The following ERC1 variants were observed in gnomAD, a reference collection of about 807,000 sequenced individuals.
The protein encoded by ERC1 is RAB6 interacting protein 2.
ERC1 carries 56 observed loss-of-function variants against 132.0 expected under a neutral mutation model. The observed-to-expected ratio is 0.42, with a 90% CI of 0.34 to 0.53. The LOEUF is 0.53. ERC1 is among the 20% of genes least tolerant of loss of function. ERC1 has a pLI of 0.03. For synonymous variants in ERC1, 478 were observed against 476.1 expected, an observed-to-expected ratio of 1.00 and a Z score of -0.05; for missense variants, 1,202 against 1,349.9, an observed-to-expected ratio of 0.89 and a Z score of 1.72.
In ERC1 at chr12:1,303,136, T is replaced by C. The variant is rs114117998; in HGVS notation, c.2780+13124T>C. Among the ~76,000 whole-genome samples the C allele has an allele frequency of 6.1e-3, 928 of 152,298 alleles. 15 individuals carry two copies. Among genetic ancestry groups the C allele is most frequent in the African/African-American group, 0.021 (883 of 41,568 alleles). On this transcript the variant is annotated intron_variant, in intron 15 of 18. Coordinates refer to ENST00000360905, the MANE Select transcript of ERC1 (RefSeq NM_178040.4). ...GCTGGTGGAGGGTCCTGCCTCTATC[T>C]TGATGGCTGCTGACTGAGCAGAGTG...
At chr12:1,131,085 G>A (rs535589114) in intron 7 of ERC1, among the ~76,000 whole-genome samples, 51 of 152,302 alleles carry the variant, frequency 3.3e-4, no homozygotes, top group South Asian at 2.1e-3. Context: ...TCTTAAAAAT[G>A]TCTCATTCTA....
At chr12:1,059,386 G>A (rs1973599381) in intron 2 of ERC1, among the ~76,000 whole-genome samples, 1 of 152,144 alleles carries the variant, frequency 6.6e-6, no homozygotes, top group African/African-American at 2.4e-5. Context: ...TAAGAATGGT[G>A]AAAAGTTGGC....
intron 18 of ERC1, among the ~76,000 whole-genome samples, chr12:1,465,977 A>G (rs988954678): frequency 1.3e-5 from 2 of 152,190 alleles, no homozygotes; most frequent in African/African-American, 2.4e-5. Context: ...AGACAAGTGA[A>G]GACATATCCT....
intron 12 of ERC1, among the ~76,000 whole-genome samples, chr12:1,232,159 G>T (rs76509032): frequency 0.3 from 45,662 of 152,030 alleles, 6,996 homozygotes; most frequent in Middle Eastern, 0.39. Flanking sequence ...GATTGCCTTG[G>T]TGGTGGTGGT....
At chr12:1,304,231 C>T (rs1156701594) in intron 15 of ERC1, among the ~76,000 whole-genome samples, 3 of 152,216 alleles carry the variant, frequency 2.0e-5, no homozygotes, top group Non-Finnish European at 2.9e-5. Flanking sequence ...AAACTATCCA[C>T]TGACCAGATG....
intron 13 of ERC1, among the ~76,000 whole-genome samples, chr12:1,262,444 C>A (rs911368561): frequency 6.6e-6 from 1 of 152,198 alleles, no homozygotes; most frequent in Non-Finnish European, 1.5e-5. Context: ...CCAGACCGGT[C>A]ACTTATATCC....
intron 18 of ERC1, among the ~76,000 whole-genome samples, chr12:1,468,250 G>C (rs1174915970): frequency 7.5e-6 from 1 of 133,590 alleles, no homozygotes; most frequent in Non-Finnish European, 1.5e-5. Context: ...AGCACTGTAT[G>C]ATACGACAGA....
At chr12:1,236,118 T>C (rs1190301927) in intron 12 of ERC1, among the ~76,000 whole-genome samples, 3 of 151,504 alleles carry the variant, frequency 2.0e-5, no homozygotes, top group Admixed American at 2.0e-4. Flanking sequence ...AAACTATAAA[T>C]GAACAGTTCA....
At chr12:1,328,546 G>A (rs926913067) in intron 15 of ERC1, among the ~76,000 whole-genome samples, 7 of 149,062 alleles carry the variant, frequency 4.7e-5, no homozygotes, top group Non-Finnish European at 1.0e-4. Context: ...GAAGCCTGAC[G>A]TTGAAGGTTC....
intron 3 of ERC1, among the ~76,000 whole-genome samples, chr12:1,101,050 A>T (rs1467856406): frequency 1.3e-5 from 2 of 152,304 alleles, no homozygotes; most frequent in East Asian, 3.9e-4. Context: ...GCTGCTGGTC[A>T]GGTACAGTGA....
At chr12:1,429,365 T>A (rs1383687279) in intron 17 of ERC1, among the ~76,000 whole-genome samples, 1 of 152,236 alleles carries the variant, frequency 6.6e-6, no homozygotes, top group African/African-American at 2.4e-5. Flanking sequence ...CATATTGTTT[T>A]GTCTTCTAAG....
intron 16 of ERC1, among the ~76,000 whole-genome samples, chr12:1,389,091 C>G (rs2089706611): frequency 6.6e-6 from 1 of 152,168 alleles, no homozygotes; most frequent in African/African-American, 2.4e-5. Context: ...CGGTCACTAC[C>G]CACAGACCAC....
intron 18 of ERC1, among the ~76,000 whole-genome samples, chr12:1,461,495 C>A (rs925781034): frequency 1.3e-5 from 2 of 151,944 alleles, no homozygotes; most frequent in Non-Finnish European, 1.5e-5. Flanking sequence ...TGGGAAAATC[C>A]TGTCTCTACT....
chr12:1,455,754 C>T (rs1451304936), intron 18 of ERC1, among the ~76,000 whole-genome samples: 1 of 152,154 alleles, frequency 6.6e-6, no homozygotes, highest in Non-Finnish European at 1.5e-5. Context: ...TAAATGCGAA[C>T]CGTTTTTCAT....
chr12:1,353,225 T>C (rs2085197140), intron 15 of ERC1, among the ~76,000 whole-genome samples: 2 of 151,890 alleles, frequency 1.3e-5, no homozygotes, highest in African/African-American at 4.8e-5. Context: ...AGAGATGGGG[T>C]TTCACCGTGT....
At chr12:1,157,717 C>T (rs533341244) in intron 8 of ERC1, among the ~76,000 whole-genome samples, 9 of 152,130 alleles carry the variant, frequency 5.9e-5, no homozygotes, top group Non-Finnish European at 1.3e-4. Flanking sequence ...AATGTGGTAT[C>T]TCAGAAGTCA....
At chr12:1,361,341 G>T (rs142555355) in intron 15 of ERC1, among the ~76,000 whole-genome samples, 12,830 of 151,404 alleles carry the variant, frequency 0.085, 682 homozygotes, top group African/African-American at 0.14. Context: ...CACACCAACA[G>T]GGCACATGTA....
intron 11 of ERC1, among the ~76,000 whole-genome samples, chr12:1,187,293 T>A (rs567535621): frequency 3.3e-5 from 5 of 152,196 alleles, no homozygotes; most frequent in Non-Finnish European, 7.3e-5. Flanking sequence ...AGAATTTAGA[T>A]GTAAACTACT....
intron 15 of ERC1, among the ~76,000 whole-genome samples, chr12:1,291,598 A>G (rs2079455749): frequency 6.6e-6 from 1 of 152,206 alleles, no homozygotes; most frequent in Admixed American, 6.5e-5. Flanking sequence ...AATAAGACAG[A>G]GTCTTCCCTC....
Sources: allele counts gnomAD v4.1 joint callset (sites outside exome capture counted in the v4.1 genomes callset), GRCh38; gene constraint gnomAD v4.1.1; transcripts MANE v1.5; gene names NCBI Gene and HGNC (gene_info 2026-07-23, HGNC 2026-07-21).